Variants in DHX29 observed in about 807,000 individuals in gnomAD.
DHX29 encodes DExH-box helicase 29, also known as ATP-dependent RNA helicase DHX29.
DHX29 carries 79 observed loss-of-function variants against 167.9 expected under a neutral mutation model. That is an observed-to-expected ratio of 0.47 (90% CI 0.39 to 0.57). The LOEUF (loss-of-function observed/expected upper bound fraction) is 0.57. Ranked by LOEUF, DHX29 falls within the 20% of genes least tolerant of loss-of-function variation. The pLI is 0.00. For missense variants in DHX29, 1,347 were observed against 1,593.4 expected, an observed-to-expected ratio of 0.85 and a Z score of 2.63; for synonymous variants, 530 against 546.0, an observed-to-expected ratio of 0.97 and a Z score of 0.41.
intron 23 of DHX29, among the ~76,000 whole-genome samples, chr5:55,266,804 C>A (rs549023821): frequency 6.6e-6 from 1 of 151,548 alleles, no homozygotes; most frequent in Admixed American, 6.6e-5. Flanking sequence ...TTGGTAGAGA[C>A]GCAGTCTCAC....
chr5:55,277,213 C>CTCGGTGGTCGCCG lies in DHX29; in HGVS notation c.2178_2179insCGGCGACCACCGA (p.Asp727ArgfsTer40). 1 of 1,610,488 alleles carries CTCGGTGGTCGCCG rather than the reference C, an allele frequency of 6.2e-7. No homozygotes were observed. The highest frequency in any genetic ancestry group is 8.5e-7 in the Non-Finnish European group (1 of 1,177,616). On this transcript the variant is annotated frameshift_variant, in exon 13 of 27. Transcript: ENST00000251636. LOFTEE classifies it high-confidence loss of function. ...GCACTCATTAGAATCAAGTGTAGAT[C>CTCGGTGGTCGCCG]AGAACGTTTCTGTAAAATTTCCTTC...
rs1242792166 is a variant in DHX29, at chr5:55,290,313, A to G, written c.812T>C (p.Leu271Pro). The G allele has an allele frequency of 6.2e-7, 1 of 1,611,122 alleles. No homozygotes were observed. The highest frequency in any genetic ancestry group is 2.2e-5 in the East Asian group (1 of 44,830). ...NERYLHLAAK[L>P]LDAKEQAATF... ...AGCTGCTTGTTCTTTTGCATCCAGC[A>G]GTTTTGCTGCAAGATGTAAGTACCT... The change falls in exon 7 of 27, where the codon CTG becomes CCG. Residue 271 changes from leucine (L) to proline (P), a missense_variant. Transcript: ENST00000251636.
intron 23 of DHX29, 109 bp from the exon 24 acceptor site, chr5:55,263,041 T>C (rs1334326464): frequency 8.3e-6 from 7 of 839,912 alleles, no homozygotes; most frequent in African/African-American, 1.7e-5. Context: ...AGGATGCTAA[T>C]GATTATTTGG....
In DHX29 at chr5:55,259,892, GAATC is replaced by G; in HGVS notation, c.4009_4012del (p.Asp1337GlnfsTer3). ...ATTTTCAAGCTTTTTTCTTAAAACT[GAATC>G]AATGAGAACTCTCAGCTGCTTGAAA... On this transcript the variant is annotated frameshift_variant, in exon 26 of 27. Coordinates refer to ENST00000251636, the MANE Select transcript of DHX29 (RefSeq NM_019030.4). LOFTEE classifies it high-confidence loss of function. The G allele has an allele frequency of 6.2e-7, 1 of 1,612,492 alleles. No individual in the cohort carries two copies. The highest frequency in any genetic ancestry group is 8.5e-7 in the Non-Finnish European group (1 of 1,178,738).
chr5:55,276,433 G>A (rs967825452), intron 13 of DHX29, 27 bp from the exon 14 acceptor site: 4 of 1,541,250 alleles, frequency 2.6e-6, no homozygotes, highest in Non-Finnish European at 3.5e-6. Flanking sequence ...ATATAAATGG[G>A]TGAATTCAAA....
intron 16 of DHX29, among the ~76,000 whole-genome samples, chr5:55,274,142 C>A (rs1162810593): frequency 2.0e-5 from 3 of 151,732 alleles, no homozygotes; most frequent in African/African-American, 7.3e-5. Context: ...GCCTGTAATC[C>A]TGGCACTTTG....
At chr5:55,286,881 C>T (rs1747758100) in intron 8 of DHX29, among the ~76,000 whole-genome samples, 1 of 152,144 alleles carries the variant, frequency 6.6e-6, no homozygotes, top group Admixed American at 6.5e-5. Context: ...TTCCAATGTA[C>T]CCTCTCCTTC....
At chr5:55,281,256 A>ACCT in intron 12 of DHX29, 116 bp downstream of exon 12, 1 of 783,634 alleles carries the variant, frequency 1.3e-6, no homozygotes, top group Non-Finnish European at 1.8e-6. Flanking sequence ...ATTATTATAT[A>ACCT]TAAGGTATAT....
At chr5:55,297,958 C>A (rs1748404403) in intron 2 of DHX29, among the ~76,000 whole-genome samples, 1 of 152,088 alleles carries the variant, frequency 6.6e-6, no homozygotes. Context: ...ACAAAAATAT[C>A]TTCCCTTTGT....
chr5:55,293,302 G>A, intron 6 of DHX29, among the ~76,000 whole-genome samples: 1 of 152,186 alleles, frequency 6.6e-6, no homozygotes, highest in Admixed American at 6.5e-5. Context: ...AAATAAAATT[G>A]TTGGGTCACA....
intron 25 of DHX29, among the ~76,000 whole-genome samples, chr5:55,260,911 T>G (rs1257508735): frequency 1.3e-5 from 2 of 152,218 alleles, no homozygotes; most frequent in Non-Finnish European, 2.9e-5. Flanking sequence ...TTATTCCTTT[T>G]TATTCCACAA....
In DHX29 at chr5:55,274,869, A is replaced by T. The variant is rs770115101; in HGVS notation, c.2569T>A (p.Leu857Ile). 1 of 1,612,668 alleles carries T rather than the reference A, an allele frequency of 6.2e-7. No homozygotes were observed. Among genetic ancestry groups the T allele is most frequent in the South Asian group, 1.1e-5 (1 of 90,684 alleles). The change falls in exon 15 of 27, where the codon TTA (leucine) becomes ATA (isoleucine). Residue 857 changes from leucine (L) to isoleucine (I), a missense_variant. Physicochemically the swap from Leu to Ile is conservative, Grantham distance 5 (BLOSUM62 2). Around this residue, in one of 3 missense-constraint regions of DHX29, gnomAD observed 882 missense variants for 1,082.4 expected, o/e 0.81. Transcript: ENST00000251636. ...CCCATTAGAAATAGAAATATACCTAAGTATGCAAGAAGTTCCAAAATGAGA... is the reference window on the plus strand; with the variant it reads ...CCCATTAGAAATAGAAATATACCTATGTATGCAAGAAGTTCCAAAATGAGA... ...LDLILELLAY[L>I]DKSPQFRNIE...
In DHX29 at chr5:55,296,999, G is replaced by A. The variant is rs978631937; in HGVS notation, c.375+286C>T. On this transcript the variant is annotated intron_variant, in intron 3 of 26. Coordinates refer to ENST00000251636, the MANE Select transcript of DHX29 (RefSeq NM_019030.4). ...CCAAATACATTTACTTCATAGGACT[G>A]TTGTGTCAGAGAAAATGTAAACAAA... 2.0e-5 allele frequency among the ~76,000 whole-genome samples: 3 copies of A among 152,150 alleles called. No individual in the cohort carries two copies. The East Asian group carries it at 5.8e-4, about 29-fold the overall frequency.
intron 23 of DHX29, among the ~76,000 whole-genome samples, chr5:55,266,870 C>A (rs1248779504): frequency 6.6e-6 from 1 of 152,116 alleles, no homozygotes; most frequent in Non-Finnish European, 1.5e-5. Flanking sequence ...CTGCTTCAGC[C>A]TCCCAAAGCA....
intron 23 of DHX29, among the ~76,000 whole-genome samples, chr5:55,266,670 T>C (rs1746592398): frequency 1.3e-5 from 2 of 152,080 alleles, no homozygotes; most frequent in African/African-American, 4.8e-5. Context: ...ACTCTGTACA[T>C]AGTGGTACAA....
intron 6 of DHX29, among the ~76,000 whole-genome samples, chr5:55,292,718 A>AT (rs1561164412): frequency 6.6e-6 from 1 of 151,970 alleles, no homozygotes. Context: ...ATGCTCATCC[A>AT]TTTTTTACTA....
At chr5:55,279,479 A>C (rs1747286468) in intron 12 of DHX29, 1 of 152,146 alleles carries the variant, frequency 6.6e-6, no homozygotes, top group Non-Finnish European at 1.5e-5. Flanking sequence ...AAATTTCATA[A>C]AATAGATAGG....
At chr5:55,286,112 G>C (rs917439960) in intron 8 of DHX29, among the ~76,000 whole-genome samples, 7 of 151,942 alleles carry the variant, frequency 4.6e-5, no homozygotes, top group Non-Finnish European at 8.8e-5. Flanking sequence ...AAAATTATTC[G>C]GCGTGGTGGC....
chr5:55,291,755 A>ATG (rs1372045139), intron 6 of DHX29, among the ~76,000 whole-genome samples: 7 of 152,224 alleles, frequency 4.6e-5, no homozygotes, highest in African/African-American at 1.7e-4. Context: ...AACCTCATAT[A>ATG]AGTGAAATCA....
Sources: allele counts gnomAD v4.1 joint callset (sites outside exome capture counted in the v4.1 genomes callset), GRCh38; gene constraint gnomAD v4.1.1; regional missense constraint gnomAD v4.1.1; transcripts MANE v1.5; gene names NCBI Gene and HGNC (gene_info 2026-07-23, HGNC 2026-07-21).